FSHB: variants seen among roughly 807,000 people sequenced by gnomAD.
FSHB encodes the protein follitropin subunit beta.
In FSHB, 8 loss-of-function variants were observed where a neutral mutation model predicts 12.1. That is an observed-to-expected ratio of 0.66 (90% confidence interval 0.39 to 1.19). The LOEUF is 1.19. Ranked by LOEUF, FSHB falls within the 50% of genes most tolerant of loss-of-function variation. The pLI is 0.01. For missense variants in FSHB, 153 were observed against 157.2 expected, an observed-to-expected ratio of 0.97 and a Z score of 0.14; for synonymous variants, 55 against 54.6, an observed-to-expected ratio of 1.01 and a Z score of -0.04.
chr11:30,232,009 GT>G lies in FSHB; in HGVS notation c.110del (p.Phe37SerfsTer3). Reference protein sequence around the residue: ...ITIAIEKEECRFCISINTTWC... With the variant: ...ITIAIEKEECXFCISINTTWC... ...ATTGCAATAGAGAAAGAAGAATGTCGTTTCTGCATAAGCATCAACACCACTT... is the reference window on the plus strand; with the variant it reads ...ATTGCAATAGAGAAAGAAGAATGTCGTTCTGCATAAGCATCAACACCACTT... On this transcript the variant is annotated frameshift_variant, in exon 2 of 3. Transcript: ENST00000533718. LOFTEE classifies it high-confidence loss of function. The G allele has an allele frequency of 6.2e-7, 1 of 1,613,936 alleles. No individual in the cohort carries two copies. Among genetic ancestry groups the G allele is most frequent in the Non-Finnish European group, 8.5e-7 (1 of 1,179,866 alleles).
chr11:30,231,068 G>A lies in FSHB; in HGVS notation c.-38+20G>A, dbSNP rs999726162. The A allele has an allele frequency of 6.6e-6, 1 of 152,168 alleles. No individual in the cohort carries two copies. Among genetic ancestry groups the A allele is most frequent in the Non-Finnish European group, 1.5e-5 (1 of 68,048 alleles). 9.4% of individuals were successfully genotyped at this position (152,168 alleles called of 1,614,324 possible). A position where few individuals can be genotyped will look rare whatever the true frequency, so the allele number is the denominator to read the frequency against. On this transcript the variant is annotated intron_variant, in intron 1 of 2. Coordinates refer to ENST00000533718, the MANE Select transcript of FSHB (RefSeq NM_001382289.1). ...CCACAGGTGAGTCTTGGCATCTACCGTTTTCAAGTGGTGACAGCTACTTTT... is the reference window on the plus strand; with the variant it reads ...CCACAGGTGAGTCTTGGCATCTACCATTTTCAAGTGGTGACAGCTACTTTT...
At chr11:30,231,484 A>C (rs1487365166) in intron 1 of FSHB, among the ~76,000 whole-genome samples, 1 of 152,134 alleles carries the variant, frequency 6.6e-6, no homozygotes, top group Non-Finnish European at 1.5e-5. Context: ...ACAGAGCAAG[A>C]CCCTGTCTCA....
rs903584985 is a variant in FSHB, at chr11:30,234,838, G to A, written c.*1038G>A. On this transcript the variant is annotated 3_prime_UTR_variant, in exon 3 of 3. Transcript: ENST00000533718. ...GGAAACTGCTGTTTTCTAGGATCCT[G>A]TCTACATCAATCTTCTATTTTATCC... 6.6e-6 allele frequency: 1 copy of A among 152,174 alleles called. No individual in the cohort carries two copies. Among genetic ancestry groups the A allele is most frequent in the Non-Finnish European group, 1.5e-5 (1 of 68,030 alleles). The allele number at this position is 152,174 out of a possible 1,614,324, so 9.4% of individuals were successfully genotyped here.
Position 30,233,829 on chromosome 11 carries a change from C to A in FSHB, c.*29C>A. On this transcript the variant is annotated 3_prime_UTR_variant, in exon 3 of 3. Transcript: ENST00000533718. The stretch of plus-strand genomic sequence containing the variant: ...TCAGTGGACATTTCAGGCCACATAC[C>A]CTTGTCCTGAAGGACCAAGATATTC... 6.4e-7 allele frequency: 1 copy of A among 1,574,686 alleles called. No homozygotes were observed. The highest frequency in any genetic ancestry group is 8.7e-7 in the Non-Finnish European group (1 of 1,145,538).
At position 30,233,956 on chromosome 11, in the gene FSHB, A is replaced by G; in HGVS notation, c.*156A>G. The G allele has an allele frequency of 1.5e-6, 1 of 687,258 alleles. No homozygotes were observed. The highest frequency in any genetic ancestry group is 2.6e-6 in the Non-Finnish European group (1 of 385,406). 42.6% of individuals were successfully genotyped at this position (687,258 alleles called of 1,614,324 possible). A position where few individuals can be genotyped will look rare whatever the true frequency, so the allele number is the denominator to read the frequency against. On this transcript the variant is annotated 3_prime_UTR_variant, in exon 3 of 3. Coordinates refer to ENST00000533718, the MANE Select transcript of FSHB (RefSeq NM_001382289.1). ...TCTACTGGCAGAGGGAACTCTGGGA[A>G]TTGAGAGTGCTGGGGGCCAGGACTC... is the stretch of plus-strand genomic sequence containing the variant.
Position 30,233,675 on chromosome 11 carries a change from GATT to G in FSHB, c.266_268del (p.Asp89_Ser90delinsAla). 1 of 1,614,052 alleles carries G rather than the reference GATT, an allele frequency of 6.2e-7. No individual in the cohort carries two copies. The highest frequency in any genetic ancestry group is 1.7e-4 in the Middle Eastern group (1 of 6,060). ...AGTGCCCGGCTGTGCTCACCATGCA[GATT>G]CCTTGTATACATACCCAGTGGCCAC... On this transcript the variant is annotated inframe_deletion, in exon 3 of 3. Transcript: ENST00000533718.
rs142751143 is a variant in FSHB, at chr11:30,233,664, C to T, written c.254C>T (p.Ala85Val). The T allele has an allele frequency of 8.6e-5, 139 of 1,613,938 alleles. No homozygotes were observed. The highest frequency in any genetic ancestry group is 1.1e-4 in the Non-Finnish European group (133 of 1,179,966). The change falls in exon 3 of 3, where the codon GCT (alanine) becomes GTT (valine). Residue 85 changes from alanine (A) to valine (V), a missense_variant. Transcript: ENST00000533718. Reference protein sequence around the residue: ...VYETVRVPGCAHHADSLYTYP... With the variant: ...VYETVRVPGCVHHADSLYTYP... ...GAAACAGTGAGAGTGCCCGGCTGTG[C>T]TCACCATGCAGATTCCTTGTATACA...
intron 1 of FSHB, among the ~76,000 whole-genome samples, chr11:30,231,407 T>C (rs1000065041): frequency 1.3e-5 from 2 of 152,154 alleles, no homozygotes; most frequent in African/African-American, 2.4e-5. Context: ...GGTCAGAGGA[T>C]TGCTTGAGCC....
At chr11:30,231,438 G>C (rs1463564221) in intron 1 of FSHB, among the ~76,000 whole-genome samples, 1 of 152,114 alleles carries the variant, frequency 6.6e-6, no homozygotes, top group Non-Finnish European at 1.5e-5. Context: ...AAGATGCAGT[G>C]ATTCATGATT....
intron 1 of FSHB, among the ~76,000 whole-genome samples, chr11:30,231,263 C>G (rs1852001491): frequency 6.6e-6 from 1 of 152,138 alleles, no homozygotes; most frequent in South Asian, 2.1e-4. Context: ...CTGAAATGGT[C>G]TTATTTTAAA....
intron 2 of FSHB, 41 bp downstream of exon 2, chr11:30,232,102 C>T (rs1852016548): frequency 6.3e-7 from 1 of 1,597,864 alleles, no homozygotes; most frequent in Middle Eastern, 1.7e-4. Flanking sequence ...TGTTGAAGGT[C>T]TGTATTAGGC....
chr11:30,231,449 A>T (rs1158597960), intron 1 of FSHB, among the ~76,000 whole-genome samples: 1 of 152,168 alleles, frequency 6.6e-6, no homozygotes, highest in East Asian at 1.9e-4. Flanking sequence ...ATTCATGATT[A>T]TACCACTGCA....
intron 2 of FSHB, 147 bp from the exon 3 acceptor site, chr11:30,233,423 A>G: frequency 1.5e-6 from 1 of 678,178 alleles, no homozygotes; most frequent in East Asian, 2.7e-5. Context: ...CAATTTAGAA[A>G]TGTAAATAGC....
Position 30,233,909 on chromosome 11 carries a change from T to G in FSHB, c.*109T>G. 4 of 879,484 alleles carry G rather than the reference T, an allele frequency of 4.5e-6. No individual in the cohort carries two copies. Among genetic ancestry groups the G allele is most frequent in the Non-Finnish European group, 7.3e-6 (4 of 546,098 alleles). The allele number at this position is 879,484 out of a possible 1,614,324, so 54.5% of individuals were successfully genotyped here. A position where few individuals can be genotyped will look rare whatever the true frequency, so the allele number is the denominator to read the frequency against. On this transcript the variant is annotated 3_prime_UTR_variant, in exon 3 of 3. Transcript: ENST00000533718. ...GGGGACAAACCACTGGATCAGGGGA[T>G]TCAGACTCTACTGATCCCTGGTCTA...
At position 30,233,862 on chromosome 11, in the gene FSHB, C is replaced by T; in HGVS notation, c.*62C>T. On this transcript the variant is annotated 3_prime_UTR_variant, in exon 3 of 3. Transcript: ENST00000533718. ...TGAAGGACCAAGATATTCAAAAAGT[C>T]TGTGTGTGTGCAATGTGCCCAGGGG... 1.4e-6 allele frequency: 2 copies of T among 1,410,736 alleles called. No individual in the cohort carries two copies. Among genetic ancestry groups the T allele is most frequent in the Admixed American group, 1.8e-5 (1 of 56,396 alleles). 87.4% of individuals were successfully genotyped at this position (1,410,736 alleles called of 1,614,324 possible). A position where few individuals can be genotyped will look rare whatever the true frequency, so the allele number is the denominator to read the frequency against.
chr11:30,231,912 C>G lies in FSHB; in HGVS notation c.10C>G (p.Leu4Val). ...TGCTTCCCAGACCAGGATGAAGACA[C>G]TCCAGTTTTTCTTCCTTTTCTGTTG... MKTLQFFFLFCCWK... is the reference protein window; with the variant it reads MKTVQFFFLFCCWK... The change falls in exon 2 of 3, where the codon CTC (leucine) becomes GTC (valine). Residue 4 changes from leucine (L) to valine (V), a missense_variant. Leu to Val is a conservative substitution (Grantham distance 32). Coordinates refer to ENST00000533718, the MANE Select transcript of FSHB (RefSeq NM_001382289.1). The G allele has an allele frequency of 6.2e-7, 1 of 1,613,868 alleles. No individual in the cohort carries two copies. The highest frequency in any genetic ancestry group is 2.2e-5 in the East Asian group (1 of 44,860).
chr11:30,234,052 T>G lies in FSHB; in HGVS notation c.*252T>G, dbSNP rs1043106920. 4.2e-6 allele frequency: 2 copies of G among 474,926 alleles called. No individual in the cohort carries two copies. The highest frequency in any genetic ancestry group is 8.2e-5 in the East Asian group (2 of 24,528). 29.4% of individuals were successfully genotyped at this position (474,926 alleles called of 1,614,324 possible). Reference sequence around the variant, plus strand: ...TATTCAGTCTTAACTCACAGACTTGTGCCTGGTTTCTTCTTTAAAAATCTT... The same window carrying G: ...TATTCAGTCTTAACTCACAGACTTGGGCCTGGTTTCTTCTTTAAAAATCTT... On this transcript the variant is annotated 3_prime_UTR_variant, in exon 3 of 3. Coordinates refer to ENST00000533718, the MANE Select transcript of FSHB (RefSeq NM_001382289.1).
At chr11:30,232,113 C>A (rs771235227) in intron 2 of FSHB, 52 bp downstream of exon 2, 9 of 1,570,568 alleles carry the variant, frequency 5.7e-6, no homozygotes, top group South Asian at 1.1e-5. Context: ...TGTATTAGGC[C>A]GGTTTCATTA....
rs149541409 is a variant in FSHB, at chr11:30,232,033, C to G, written c.131C>G (p.Thr44Ser). Residue 44 changes from threonine to serine, a missense_variant, in exon 2 of 3, where the codon ACT becomes AGT. Physicochemically the swap from Thr to Ser is moderately conservative, Grantham distance 58. Transcript: ENST00000533718. ...CGTTTCTGCATAAGCATCAACACCACTTGGTGTGCTGGCTACTGCTACACC... is the reference window on the plus strand; with the variant it reads ...CGTTTCTGCATAAGCATCAACACCAGTTGGTGTGCTGGCTACTGCTACACC... The part of the protein sequence containing the change: ...ECRFCISINT[T>S]WCAGYCYTRD... The G allele has an allele frequency of 1.3e-4, 207 of 1,613,942 alleles. No homozygotes were observed. The African/African-American group carries it at 2.6e-3, about 20-fold the overall frequency.
Sources: allele counts gnomAD v4.1 joint callset (sites outside exome capture counted in the v4.1 genomes callset), GRCh38; gene constraint gnomAD v4.1.1; transcripts MANE v1.5; gene names NCBI Gene and HGNC (gene_info 2026-07-23, HGNC 2026-07-21).